The following SNTG2 variants were observed in gnomAD, a reference collection of about 807,000 sequenced individuals.
The protein encoded by SNTG2 is gamma-2-syntrophin.
In SNTG2, 74 loss-of-function variants were observed where a neutral mutation model predicts 70.9. That is an observed-to-expected ratio of 1.04 (90% CI 0.86 to 1.27). The LOEUF is 1.27. Among genes scored for constraint, SNTG2 ranks in the 50% most tolerant of loss-of-function variants. The probability of loss-of-function intolerance (pLI) is 0.00; values close to 1 mark genes in which losing one functional copy is unlikely to be tolerated. For missense variants in SNTG2, 717 were observed against 690.7 expected, an observed-to-expected ratio of 1.04 and a Z score of -0.43; for synonymous variants, 278 against 273.8, an observed-to-expected ratio of 1.02 and a Z score of -0.15.
At chr2:1,231,744 G>A (rs566969110) in intron 9 of SNTG2, among the ~76,000 whole-genome samples, 3 of 152,180 alleles carry the variant, frequency 2.0e-5, no homozygotes, top group Non-Finnish European at 4.4e-5. Context: ...AGCAGGCAGA[G>A]GGGAGTGTAG....
chr2:971,933 G>A (rs919391179), intron 1 of SNTG2, among the ~76,000 whole-genome samples: 17 of 152,032 alleles, frequency 1.1e-4, no homozygotes, highest in African/African-American at 3.6e-4. Context: ...ACATTCAGGA[G>A]CAGGTTGTTT....
intron 9 of SNTG2, among the ~76,000 whole-genome samples, chr2:1,219,148 T>TAAAAGTGTATGGCACCTGCCCTCTTTC (rs1182489823): frequency 1.6e-4 from 24 of 152,224 alleles, no homozygotes; most frequent in Middle Eastern, 3.4e-3. Context: ...AACCAGCTGT[T>TAAAAGTGTATGGCACCTGCCCTCTTTC]AAAAGTGTAT....
intron 1 of SNTG2, among the ~76,000 whole-genome samples, chr2:964,711 G>A (rs545770608): frequency 2.0e-5 from 3 of 152,282 alleles, no homozygotes; most frequent in African/African-American, 7.2e-5. Context: ...GGAGCTCTGG[G>A]GTGAGGCTGT....
chr2:1,203,329 G>T (rs2147974340), intron 8 of SNTG2, among the ~76,000 whole-genome samples: 1 of 152,178 alleles, frequency 6.6e-6, no homozygotes, highest in South Asian at 2.1e-4. Flanking sequence ...GGATAACACT[G>T]ATAACCAAAA....
chr2:1,294,386 G>A (rs1680115299), intron 14 of SNTG2, among the ~76,000 whole-genome samples: 1 of 152,156 alleles, frequency 6.6e-6, no homozygotes, highest in Admixed American at 6.5e-5. Flanking sequence ...TCTAAACATG[G>A]TACATTTTAT....
chr2:990,516 G>A (rs1003917713), intron 1 of SNTG2, among the ~76,000 whole-genome samples: 5 of 152,152 alleles, frequency 3.3e-5, no homozygotes, highest in African/African-American at 9.7e-5. Context: ...TATTACAGGG[G>A]CACAGATCAC....
chr2:980,525 G>C (rs1661062147), intron 1 of SNTG2, among the ~76,000 whole-genome samples: 1 of 152,118 alleles, frequency 6.6e-6, no homozygotes, highest in Non-Finnish European at 1.5e-5. Flanking sequence ...TTAAATTTAA[G>C]AGACAGTGAA....
intron 1 of SNTG2, among the ~76,000 whole-genome samples, chr2:1,036,719 A>G (rs1661149044): frequency 7.3e-6 from 1 of 136,546 alleles, no homozygotes; most frequent in African/African-American, 2.5e-5. Flanking sequence ...GATTTTTTCC[A>G]GCTGATCCCC....
chr2:961,388 C>T (rs1360579460), intron 1 of SNTG2, among the ~76,000 whole-genome samples: 2 of 152,076 alleles, frequency 1.3e-5, no homozygotes, highest in Admixed American at 6.5e-5. Context: ...GCTAGGATTA[C>T]AGGAGTGAGC....
chr2:1,251,243 G>A (rs1677737796), intron 12 of SNTG2, among the ~76,000 whole-genome samples: 1 of 152,238 alleles, frequency 6.6e-6, no homozygotes, highest in Non-Finnish European at 1.5e-5. Context: ...GTCATTGACA[G>A]TTTAGCTGCC....
Position 950,922 on chromosome 2 carries a change from C to A in SNTG2, c.-75C>A. ...GGCGCGGACGCGGCGCCTGGCGGGGCCCTGGGAGGCTCGGACGGGGTCCTG... is the reference window on the plus strand; with the variant it reads ...GGCGCGGACGCGGCGCCTGGCGGGGACCTGGGAGGCTCGGACGGGGTCCTG... On this transcript the variant is annotated 5_prime_UTR_variant, in exon 1 of 17. Transcript: ENST00000308624. The A allele has an allele frequency of 6.9e-6, 5 of 723,736 alleles. No homozygotes were observed. Among genetic ancestry groups the A allele is most frequent in the Non-Finnish European group, 9.2e-6 (5 of 541,938 alleles). The allele number at this position is 723,736 out of a possible 1,614,324, so 44.8% of individuals were successfully genotyped here.
At chr2:1,191,007 A>AATT (rs1371696338) in intron 8 of SNTG2, among the ~76,000 whole-genome samples, 1 of 152,220 alleles carries the variant, frequency 6.6e-6, no homozygotes, top group Non-Finnish European at 1.5e-5. Context: ...TCCTTCAGAG[A>AATT]CATGCAGCAA....
chr2:962,208 G>A (rs942028927), intron 1 of SNTG2, among the ~76,000 whole-genome samples: 1 of 152,250 alleles, frequency 6.6e-6, no homozygotes, highest in South Asian at 2.1e-4. Flanking sequence ...CGAGTAGCTG[G>A]AACCACAGGC....
intron 9 of SNTG2, among the ~76,000 whole-genome samples, chr2:1,226,094 A>G (rs2148060503): frequency 6.6e-6 from 1 of 152,302 alleles, no homozygotes; most frequent in East Asian, 1.9e-4. Context: ...TTAAAGTTGG[A>G]ATGTAAGGCA....
chr2:1,309,571 A>T (rs755101474), intron 15 of SNTG2, among the ~76,000 whole-genome samples: 6 of 152,220 alleles, frequency 3.9e-5, no homozygotes, highest in African/African-American at 9.7e-5. Context: ...GAGCCCAGGG[A>T]TGCCGCTCTG....
intron 8 of SNTG2, among the ~76,000 whole-genome samples, chr2:1,195,895 GAA>G (rs113436793): frequency 6.8e-6 from 1 of 147,666 alleles, no homozygotes; most frequent in African/African-American, 2.5e-5. Context: ...TATTGATCAG[GAA>G]AAAAAAAATA....
chr2:1,275,227 A>C (rs962872584), intron 14 of SNTG2, among the ~76,000 whole-genome samples: 1 of 152,126 alleles, frequency 6.6e-6, no homozygotes, highest in Non-Finnish European at 1.5e-5. Context: ...ACCTCCCAAC[A>C]TCCTTACCTC....
chr2:1,082,533 G>A (rs1572387664), intron 1 of SNTG2, among the ~76,000 whole-genome samples: 1 of 152,306 alleles, frequency 6.6e-6, no homozygotes, highest in East Asian at 1.9e-4. Flanking sequence ...TTAGCACTGG[G>A]GCTCTAGGCA....
chr2:1,164,076 G>A (rs1010679704), intron 6 of SNTG2, among the ~76,000 whole-genome samples: 6 of 152,294 alleles, frequency 3.9e-5, no homozygotes, highest in Admixed American at 1.3e-4. Flanking sequence ...CAGAGGGAGC[G>A]ATGAAGTGGG....
Sources: allele counts gnomAD v4.1 joint callset (sites outside exome capture counted in the v4.1 genomes callset), GRCh38; gene constraint gnomAD v4.1.1; transcripts MANE v1.5; gene names NCBI Gene and HGNC (gene_info 2026-07-23, HGNC 2026-07-21).